GRIN2B: variants seen among roughly 807,000 people sequenced by gnomAD.
GRIN2B encodes glutamate receptor ionotropic, NMDA 2B.
Under a neutral mutation model 114.5 loss-of-function variants are expected in GRIN2B, and 5 were observed. That is an observed-to-expected ratio of 0.04 (90% CI 0.02 to 0.09). The LOEUF (loss-of-function observed/expected upper bound fraction) is 0.09, where lower values mean the gene tolerates loss of function less well. GRIN2B is among the 10% of genes least tolerant of loss of function. GRIN2B has a pLI of 1.00. For synonymous variants in GRIN2B, 787 were observed against 745.1 expected, an observed-to-expected ratio of 1.06 and a Z score of -0.92; for missense variants, 1,108 against 1,943.5, an observed-to-expected ratio of 0.57 and a Z score of 8.08.
chr12:13,592,309 C>T (rs544262699), intron 10 of GRIN2B, among the ~76,000 whole-genome samples: 1 of 152,266 alleles, frequency 6.6e-6, no homozygotes, highest in East Asian at 1.9e-4. Flanking sequence ...AAATGGCTAA[C>T]CACAAACATC....
intron 10 of GRIN2B, among the ~76,000 whole-genome samples, chr12:13,575,667 TAAC>T (rs757070562): frequency 4.0e-4 from 59 of 146,672 alleles, no homozygotes; most frequent in African/African-American, 9.1e-4. Context: ...TCCAAAATGA[TAAC>T]AACAATAATA....
intron 5 of GRIN2B, among the ~76,000 whole-genome samples, chr12:13,631,632 T>C (rs992712983): frequency 3.9e-5 from 6 of 152,190 alleles, no homozygotes; most frequent in African/African-American, 1.4e-4. Context: ...ACTGACATGT[T>C]AAGATGCCAG....
intron 10 of GRIN2B, among the ~76,000 whole-genome samples, chr12:13,574,881 C>A (rs190440650): frequency 6.6e-6 from 1 of 152,184 alleles, no homozygotes; most frequent in East Asian, 1.9e-4. Flanking sequence ...CATTAGCGTA[C>A]AGTCAGATCA....
intron 4 of GRIN2B, among the ~76,000 whole-genome samples, chr12:13,686,816 G>C (rs369183786): frequency 1.2e-3 from 182 of 152,238 alleles, no homozygotes; most frequent in African/African-American, 4.1e-3. Context: ...ATCCAAGCAA[G>C]GATGTGTGTC....
chr12:13,788,678 C>T (rs1405949273), intron 3 of GRIN2B, among the ~76,000 whole-genome samples: 1 of 49,022 alleles, frequency 2.0e-5, no homozygotes, highest in East Asian at 1.4e-3. Context: ...TTCGAGGAAC[C>T]CTTAATTTCT....
At chr12:13,976,401 G>A (rs1167283413) in intron 2 of GRIN2B, among the ~76,000 whole-genome samples, 1 of 152,190 alleles carries the variant, frequency 6.6e-6, no homozygotes, top group African/African-American at 2.4e-5. Flanking sequence ...AATTCCTAAG[G>A]ATGGGGTAGA....
intron 4 of GRIN2B, among the ~76,000 whole-genome samples, chr12:13,744,671 C>T (rs1375824109): frequency 6.6e-6 from 1 of 152,092 alleles, no homozygotes; most frequent in Non-Finnish European, 1.5e-5. Flanking sequence ...AGCCCCCGGC[C>T]GGCTGCTGCT....
intron 5 of GRIN2B, among the ~76,000 whole-genome samples, chr12:13,653,035 T>C (rs1028926035): frequency 9.9e-5 from 15 of 152,070 alleles, no homozygotes; most frequent in African/African-American, 2.9e-4. Flanking sequence ...GTGTGAAGGA[T>C]AGATTAGAAA....
intron 4 of GRIN2B, among the ~76,000 whole-genome samples, chr12:13,750,740 G>C (rs914408182): frequency 6.6e-6 from 1 of 152,180 alleles, no homozygotes; most frequent in African/African-American, 2.4e-5. Flanking sequence ...TGCAGAGCAG[G>C]TGTGCACTGA....
chr12:13,828,203 T>C (rs1348067530), intron 3 of GRIN2B, among the ~76,000 whole-genome samples: 3 of 152,252 alleles, frequency 2.0e-5, no homozygotes, highest in Admixed American at 1.3e-4. Context: ...TTCCTCTTTA[T>C]GGCATTATCT....
chr12:13,872,511 C>T (rs1157474281), intron 2 of GRIN2B, among the ~76,000 whole-genome samples: 1 of 151,262 alleles, frequency 6.6e-6, no homozygotes. Flanking sequence ...AAATAGTAAT[C>T]ATCATCACCA....
intron 4 of GRIN2B, chr12:13,683,833 A>AGTT (rs1016598002): frequency 6.6e-6 from 1 of 152,202 alleles, no homozygotes; most frequent in South Asian, 2.1e-4. Flanking sequence ...ATTATGTATT[A>AGTT]GTTGTTATTA....
At chr12:13,932,952 CGTGTGTGTGTGT>C (rs5796568) in intron 2 of GRIN2B, among the ~76,000 whole-genome samples, 7 of 148,698 alleles carry the variant, frequency 4.7e-5, no homozygotes, top group Admixed American at 1.3e-4. Context: ...AGGGCTTTGT[CGTGTGTGTGTGT>C]GTGTGTGTGT....
chr12:13,543,221 C>T lies in GRIN2B; in HGVS notation c.*19562G>A, dbSNP rs564886162. 6.6e-6 allele frequency: 1 copy of T among 152,280 alleles called. No homozygotes were observed. Among genetic ancestry groups the T allele is most frequent in the Admixed American group, 6.5e-5 (1 of 15,272 alleles). The allele number at this position is 152,280 out of a possible 1,614,324, so 9.4% of individuals were successfully genotyped here. ...TCCTCTATCTTATCTCAGCCCACCA[C>T]CCCAACAACAGACCCCAAACCACCA... On this transcript the variant is annotated 3_prime_UTR_variant, in exon 14 of 14. Coordinates refer to ENST00000609686, the MANE Select transcript of GRIN2B (RefSeq NM_000834.5).
intron 4 of GRIN2B, among the ~76,000 whole-genome samples, chr12:13,735,624 AG>A (rs1178292081): frequency 4.6e-5 from 7 of 152,226 alleles, no homozygotes; most frequent in Non-Finnish European, 8.8e-5. Flanking sequence ...CAATAGTATC[AG>A]AATGGGCCAA....
chr12:13,972,266 G>T (rs112993623), intron 2 of GRIN2B, among the ~76,000 whole-genome samples: 2,349 of 152,162 alleles, frequency 0.015, 55 homozygotes, highest in African/African-American at 0.054. Context: ...AAGCTCTGTG[G>T]ATGATTTTGT....
chr12:13,714,750 T>C (rs1950441341), intron 4 of GRIN2B, among the ~76,000 whole-genome samples: 1 of 151,934 alleles, frequency 6.6e-6, no homozygotes, highest in Non-Finnish European at 1.5e-5. Flanking sequence ...TTATTATTGT[T>C]TGTGCAAGTT....
At chr12:13,639,301 GATGGGTCATAAAA>G (rs1230778601) in intron 5 of GRIN2B, among the ~76,000 whole-genome samples, 1 of 152,142 alleles carries the variant, frequency 6.6e-6, no homozygotes, top group Non-Finnish European at 1.5e-5. Context: ...ATAGCGCTTG[GATGGGTCATAAAA>G]ATACAAAGAT....
intron 3 of GRIN2B, among the ~76,000 whole-genome samples, chr12:13,786,980 C>A (rs1037698997): frequency 6.6e-6 from 1 of 152,102 alleles, no homozygotes; most frequent in Non-Finnish European, 1.5e-5. Flanking sequence ...GTATGTAGCA[C>A]GATCCACCTC....
Sources: gnomAD v4.1 joint callset for allele counts (sites outside exome capture counted in the v4.1 genomes callset) on GRCh38, gnomAD v4.1.1 for gene constraint, MANE v1.5 for transcripts, NCBI Gene and HGNC (gene_info 2026-07-23, HGNC 2026-07-21) for gene names.